The following DNAH2 variants were observed in gnomAD, a reference collection of about 807,000 sequenced individuals.
The protein encoded by DNAH2 is dynein axonemal heavy chain 2, also known as axonemal beta dynein heavy chain 2.
Under a neutral mutation model 523.5 loss-of-function variants are expected in DNAH2, and 323 were observed. The observed-to-expected ratio is 0.62, with a 90% CI of 0.56 to 0.68. The LOEUF (loss-of-function observed/expected upper bound fraction) is 0.68. DNAH2 is among the 30% of genes least tolerant of loss of function. The probability of loss-of-function intolerance (pLI) is 0.00; values close to 1 mark genes in which losing one functional copy is unlikely to be tolerated. For synonymous variants in DNAH2, 2,093 were observed against 2,177.4 expected, an observed-to-expected ratio of 0.96 and a Z score of 1.08; for missense variants, 4,907 against 5,701.5, an observed-to-expected ratio of 0.86 and a Z score of 4.49.
chr17:7,778,157 C>T lies in DNAH2; in HGVS notation c.5328C>T (p.Leu1776=), dbSNP rs115655646. The T allele has an allele frequency of 1.2e-3, 1,869 of 1,614,198 alleles. 14 individuals are homozygous for T. The African/African-American group carries it at 0.021, about 18-fold the overall frequency. The change falls in exon 34 of 86, where the codon CTC becomes CTT. Residue 1776 remains leucine (L), a synonymous_variant. Coordinates refer to ENST00000572933, the MANE Select transcript of DNAH2 (RefSeq NM_020877.5). ...NYEYLGNSGR[L]VITPLTDRCY... The stretch of plus-strand genomic sequence containing the variant: ...AGTACTTGGGTAACTCGGGCCGGCT[C>T]GTCATCACCCCCCTGACGGACAGGT...
Position 7,794,294 on chromosome 17 carries a change from G to A in DNAH2, c.7610G>A (p.Gly2537Glu), listed in dbSNP as rs536935423. The A allele has an allele frequency of 6.2e-7, 1 of 1,610,046 alleles. No homozygotes were observed. The highest frequency in any genetic ancestry group is 2.3e-5 in the East Asian group (1 of 44,318). The change falls in exon 49 of 86, where the codon GGA (glycine) becomes GAA (glutamate). Residue 2537 changes from glycine to glutamate, a missense_variant. Coordinates refer to ENST00000572933, the MANE Select transcript of DNAH2 (RefSeq NM_020877.5). Reference protein sequence around the residue: ...LMAAMGPPGGGRTVISPRLRS... With the variant: ...LMAAMGPPGGERTVISPRLRS... ...GCTGCCATGGGCCCCCCTGGGGGTGGACGGACTGTCATCTCCCCAAGGCTA... is the reference window on the plus strand; with the variant it reads ...GCTGCCATGGGCCCCCCTGGGGGTGAACGGACTGTCATCTCCCCAAGGCTA...
At chr17:7,743,511 C>G in intron 12 of DNAH2, 1 of 623,032 alleles carries the variant, frequency 1.6e-6, no homozygotes, top group East Asian at 2.8e-5. Flanking sequence ...GCAAAAAATA[C>G]AAAGATTAGC....
At chr17:7,772,999 C>G (rs1317004410) in intron 28 of DNAH2, among the ~76,000 whole-genome samples, 1 of 152,062 alleles carries the variant, frequency 6.6e-6, no homozygotes, top group African/African-American at 2.4e-5. Context: ...GTCTCGAACT[C>G]CTGACCTCAA....
At chr17:7,735,441 CT>C (rs2075113089) in intron 7 of DNAH2, among the ~76,000 whole-genome samples, 1 of 150,996 alleles carries the variant, frequency 6.6e-6, no homozygotes, top group Admixed American at 6.6e-5. Flanking sequence ...TTTTTCTTTT[CT>C]TTTCATTTCT....
In DNAH2 at chr17:7,780,466, A is replaced by G. The variant is rs1228656946; in HGVS notation, c.5851-164A>G. Among the ~76,000 whole-genome samples, 1 of 152,238 alleles carries G rather than the reference A, an allele frequency of 6.6e-6. No individual in the cohort carries two copies. Among genetic ancestry groups the G allele is most frequent in the African/African-American group, 2.4e-5 (1 of 41,466 alleles). On this transcript the variant is annotated intron_variant, in intron 37 of 85. Coordinates refer to ENST00000572933, the MANE Select transcript of DNAH2 (RefSeq NM_020877.5). This position sits in a 1 kb window ranked among gnomAD's most constrained non-coding sequence, Gnocchi z 4.4. ...AGGTGTCTCCTCCGTGATATCACTA[A>G]CTGACAATGGCGTCATTCACACAAT...
At position 7,830,705 on chromosome 17, in the gene DNAH2, A is replaced by G; in HGVS notation, c.12093A>G (p.Thr4031=). 1 of 1,614,182 alleles carries G rather than the reference A, an allele frequency of 6.2e-7. No homozygotes were observed. Among genetic ancestry groups the G allele is most frequent in the African/African-American group, 1.3e-5 (1 of 75,046 alleles). The part of the protein sequence containing the change: ...LSLYLDEYEE[T]PWDALKYLIA... ...TCTATCTCGATGAGTACGAGGAGACACCTTGGGACGCACTTAAGTACCTCA... is the reference window on the plus strand; with the variant it reads ...TCTATCTCGATGAGTACGAGGAGACGCCTTGGGACGCACTTAAGTACCTCA... The change falls in exon 79 of 86, where the codon ACA becomes ACG. Residue 4031 remains threonine, a synonymous_variant. Coordinates refer to ENST00000572933, the MANE Select transcript of DNAH2 (RefSeq NM_020877.5).
rs1443292610 is a variant in DNAH2, at chr17:7,733,191, C to T, written c.504C>T (p.Ile168=). The T allele has an allele frequency of 1.9e-6, 3 of 1,614,220 alleles. No homozygotes were observed. In the South Asian group the frequency reaches 3.3e-5, roughly 18 times the overall value. Residue 168 remains isoleucine (I), a synonymous_variant, in exon 5 of 86, where the codon ATC becomes ATT. Transcript: ENST00000572933. ...TTGGGACGGTGCGGGGCCCCTATAT[C>T]CCGGCCCTGCTTCGGCTGCTCGGTG... ...VQFGTVRGPY[I]PALLRLLGGV...
At chr17:7,745,264 G>T (rs2075483480) in intron 12 of DNAH2, among the ~76,000 whole-genome samples, 1 of 151,914 alleles carries the variant, frequency 6.6e-6, no homozygotes, top group African/African-American at 2.4e-5. Context: ...CAAAGTGCTG[G>T]GATTACAGGC....
intron 3 of DNAH2, among the ~76,000 whole-genome samples, chr17:7,725,440 A>ATATATTTTTTTTTTTTTTT (rs958458949): frequency 1.5e-5 from 2 of 130,610 alleles, no homozygotes; most frequent in South Asian, 5.1e-4. Context: ...ATATATATAT[A>ATATATTTTTTTTTTTTTTT]TTTTCTTTTT....
In DNAH2 at chr17:7,807,516, T is replaced by C. The variant is rs766876763; in HGVS notation, c.9659T>C (p.Met3220Thr). 1.2e-6 allele frequency: 2 copies of C among 1,613,610 alleles called. No individual in the cohort carries two copies. The highest frequency in any genetic ancestry group is 1.7e-6 in the Non-Finnish European group (2 of 1,180,022). ...GTGGTGGAGCCCAAGCGAATCCGAA[T>C]GAACGCTGCCTTGGCTCAGCTTCGG... ...YRVVEPKRIR[M>T]NAALAQLREK... The change falls in exon 63 of 86, where the codon ATG (methionine) becomes ACG (threonine). Residue 3220 changes from methionine (M) to threonine (T), a missense_variant. Physicochemically the swap from Met to Thr is moderately conservative, Grantham distance 81 (BLOSUM62 -1). This residue lies in a region of DNAH2 where 1,851 missense variants were observed against 2,139.4 expected (regional missense o/e 0.87). Transcript: ENST00000572933. This position sits in a 1 kb window ranked among gnomAD's most constrained non-coding sequence, Gnocchi z 5.6.
chr17:7,807,507 G>A lies in DNAH2; in HGVS notation c.9650G>A (p.Arg3217Gln), dbSNP rs771449009. Residue 3217 changes from arginine to glutamine, a missense_variant, in exon 63 of 86, where the codon CGA becomes CAA. Physicochemically the swap from Arg to Gln is conservative, Grantham distance 43. This residue lies in a region of DNAH2 where 1,851 missense variants were observed against 2,139.4 expected (regional missense o/e 0.87). Transcript: ENST00000572933. This position sits in a 1 kb window ranked among gnomAD's most constrained non-coding sequence, Gnocchi z 5.6. ...GRLYRVVEPKRIRMNAALAQL... is the reference protein window; with the variant it reads ...GRLYRVVEPKQIRMNAALAQL... ...CTATATCGGGTGGTGGAGCCCAAGC[G>A]AATCCGAATGAACGCTGCCTTGGCT... 9.3e-6 allele frequency: 15 copies of A among 1,613,402 alleles called. No individual in the cohort carries two copies. The African/African-American group carries it at 1.3e-4, about 14-fold the overall frequency.
rs2075788008 is a variant in DNAH2 at position 7,754,720 on chromosome 17, T to C, written c.1905-2371T>C. On this transcript the variant is annotated intron_variant, in intron 12 of 85. Coordinates refer to ENST00000572933, the MANE Select transcript of DNAH2 (RefSeq NM_020877.5). This position sits in a 1 kb window ranked among gnomAD's most constrained non-coding sequence, Gnocchi z 4.6. ...CTTGGGAAGCTTGCTCGTGCCCGCA[T>C]GGCCAAGGGGCTCAGGCTGTGCCGG... The C allele has an allele frequency of 1.8e-6, 2 of 1,141,812 alleles. No homozygotes were observed. The highest frequency in any genetic ancestry group is 2.6e-6 in the Non-Finnish European group (2 of 768,226). 70.7% of individuals were successfully genotyped at this position (1,141,812 alleles called of 1,614,324 possible). A position where few individuals can be genotyped will look rare whatever the true frequency, so the allele number is the denominator to read the frequency against.
At chr17:7,723,562 G>A (rs75372766) in intron 2 of DNAH2, 66 bp from the exon 3 acceptor site, 27,575 of 1,412,338 alleles carry the variant, frequency 0.02, 1,045 homozygotes, top group East Asian at 0.17. Context: ...GTGAGCCACC[G>A]CGCCCAGCTG....
At chr17:7,772,121 C>T (rs553900010) in intron 28 of DNAH2, among the ~76,000 whole-genome samples, 1 of 152,194 alleles carries the variant, frequency 6.6e-6, no homozygotes, top group African/African-American at 2.4e-5. Flanking sequence ...CATAGTGAGG[C>T]CTGGTCGACT....
intron 12 of DNAH2, among the ~76,000 whole-genome samples, chr17:7,751,790 A>G (rs973122433): frequency 2.6e-5 from 4 of 152,152 alleles, no homozygotes; most frequent in Non-Finnish European, 4.4e-5. Flanking sequence ...TAAGAATTTT[A>G]GAATCAATTT....
intron 8 of DNAH2, chr17:7,738,999 C>T: frequency 4.3e-6 from 3 of 702,858 alleles, no homozygotes; most frequent in Non-Finnish European, 7.8e-6. Context: ...TGCAGCGCTG[C>T]AAGGACCTTA....
intron 7 of DNAH2, 30 bp from the exon 8 acceptor site, chr17:7,737,037 A>C: frequency 6.3e-7 from 1 of 1,591,434 alleles, no homozygotes; most frequent in Non-Finnish European, 8.6e-7. Flanking sequence ...CTAGTGCATA[A>C]ATCTATTTCT....
At position 7,792,991 on chromosome 17, in the gene DNAH2, A is replaced by C; in HGVS notation, c.7355A>C (p.Asn2452Thr). 1 of 1,610,580 alleles carries C rather than the reference A, an allele frequency of 6.2e-7. No individual in the cohort carries two copies. The highest frequency in any genetic ancestry group is 1.1e-5 in the South Asian group (1 of 91,008). ...VVNMSAQTTS[N>T]NVQSIIESRV... ...GTACCTTTTCACCAGACCACATCCA[A>C]TAACGTGCAGAGCATCATTGAGAGC... The change falls in exon 48 of 86, where the codon AAT (asparagine) becomes ACT (threonine). Residue 2452 changes from asparagine to threonine, a missense_variant. Physicochemically the swap from Asn to Thr is moderately conservative, Grantham distance 65. Coordinates refer to ENST00000572933, the MANE Select transcript of DNAH2 (RefSeq NM_020877.5).
Position 7,754,416 on chromosome 17 carries a change from C to T in DNAH2, c.1905-2675C>T, listed in dbSNP as rs148680252. The T allele has an allele frequency of 1.5e-6, 1 of 645,806 alleles. No individual in the cohort carries two copies. Among genetic ancestry groups the T allele is most frequent in the Non-Finnish European group, 2.8e-6 (1 of 362,648 alleles). 40.0% of individuals were successfully genotyped at this position (645,806 alleles called of 1,614,324 possible). ...GACATGGCCAAGTCCACACCATACA[C>T]CACCAGTCCCGAAAATGGCACAGAA... On this transcript the variant is annotated intron_variant, in intron 12 of 85. Transcript: ENST00000572933. This position sits in a 1 kb window ranked among gnomAD's most constrained non-coding sequence, Gnocchi z 4.6.
Sources: allele counts gnomAD v4.1 joint callset (sites outside exome capture counted in the v4.1 genomes callset), GRCh38; gene constraint gnomAD v4.1.1; regional missense constraint gnomAD v4.1.1; non-coding constraint Gnocchi (gnomAD v3.1); transcripts MANE v1.5; gene names NCBI Gene and HGNC (gene_info 2026-07-23, HGNC 2026-07-21).